The following COPG2 variants were observed in gnomAD, a reference collection of about 807,000 sequenced individuals.
The protein encoded by COPG2 is coatomer subunit gamma-2.
Under a neutral mutation model 46.3 loss-of-function variants are expected in COPG2, and 37 were observed. The ratio of observed to expected loss-of-function variants is 0.80; its 90% CI spans 0.61 to 1.05. The LOEUF is 1.05. COPG2 is among the 50% of genes least tolerant of loss of function. The pLI is 0.00. For synonymous variants in COPG2, 159 were observed against 129.7 expected (o/e 1.23, Z -1.53); for missense variants, 427 against 387.8 (o/e 1.10, Z -0.85).
At chr7:130,563,120 A>G (rs1043473300) in intron 11 of COPG2, 149 bp downstream of exon 11, 2 of 382,562 alleles carry the variant, frequency 5.2e-6, no homozygotes, top group Non-Finnish European at 9.2e-6. Context: ...AAATGAGCAT[A>G]CTCAAGGCCA....
At chr7:130,571,009 G>A (rs1471377476) in intron 9 of COPG2, among the ~76,000 whole-genome samples, 1 of 152,216 alleles carries the variant, frequency 6.6e-6, no homozygotes. Flanking sequence ...GTAGGAGAAT[G>A]AAACTGGATC....
intron 5 of COPG2, among the ~76,000 whole-genome samples, chr7:130,634,054 C>T (rs10927054): frequency 1.3e-5 from 2 of 152,126 alleles, no homozygotes; most frequent in East Asian, 3.9e-4. Flanking sequence ...ATTTCTGAGG[C>T]CTCTGTTCTT....
intron 4 of COPG2, among the ~76,000 whole-genome samples, chr7:130,659,668 C>T (rs1244347804): frequency 6.6e-6 from 1 of 152,022 alleles, no homozygotes; most frequent in East Asian, 1.9e-4. Flanking sequence ...AATCCCAGTA[C>T]TTTGGGAGGC....
intron 6 of COPG2, among the ~76,000 whole-genome samples, chr7:130,615,947 A>G (rs1237507413): frequency 2.6e-5 from 4 of 152,176 alleles, no homozygotes; most frequent in Admixed American, 6.5e-5. Flanking sequence ...ATAATACTTG[A>G]TATTGCTTTT....
At chr7:130,532,236 C>T (rs1052917868) in intron 20 of COPG2, among the ~76,000 whole-genome samples, 9 of 152,316 alleles carry the variant, frequency 5.9e-5, no homozygotes, top group Middle Eastern at 3.4e-3. Context: ...AATGGGACCA[C>T]GGTGGTGCAG....
At chr7:130,536,048 T>TTTC (rs1383378678) in intron 20 of COPG2, among the ~76,000 whole-genome samples, 4 of 151,880 alleles carry the variant, frequency 2.6e-5, no homozygotes, top group Non-Finnish European at 5.9e-5. Flanking sequence ...GAAAATTAGA[T>TTTC]TGAGGCCAAA....
At chr7:130,606,031 T>C (rs1207071538) in intron 9 of COPG2, among the ~76,000 whole-genome samples, 1 of 152,074 alleles carries the variant, frequency 6.6e-6, no homozygotes, top group African/African-American at 2.4e-5. Flanking sequence ...AAGCCTAGTT[T>C]TGAAGAGACT....
chr7:130,592,630 A>T (rs1584989323), intron 9 of COPG2, among the ~76,000 whole-genome samples: 1 of 152,134 alleles, frequency 6.6e-6, no homozygotes, highest in African/African-American at 2.4e-5. Context: ...TTTTTTAAAA[A>T]ATATAGCAAA....
In COPG2 at chr7:130,611,068, G is replaced by C; in HGVS notation, c.622C>G (p.Arg208Gly). 6.2e-7 allele frequency: 1 copy of C among 1,613,652 alleles called. No homozygotes were observed. ...TTCAACATCTTGGAAACAGCAAGTC[G>C]ATCATTCTTTCTAAGGTGATACAGG... ...GVLYHLRKND[R>G]LAVSKMLNKF... The change falls in exon 9 of 24, where the codon CGA becomes GGA. Residue 208 changes from arginine to glycine, a missense_variant. Transcript: ENST00000425248.
intron 4 of COPG2, among the ~76,000 whole-genome samples, chr7:130,661,351 C>CCAGG (rs1340236735): frequency 6.6e-6 from 1 of 152,172 alleles, no homozygotes; most frequent in Admixed American, 6.5e-5. Flanking sequence ...AAAAACAAAG[C>CCAGG]CACAAAAGAG....
chr7:130,560,616 A>G (rs1793703683), intron 12 of COPG2, among the ~76,000 whole-genome samples: 1 of 152,214 alleles, frequency 6.6e-6, no homozygotes, highest in Admixed American at 6.5e-5. Flanking sequence ...CTGGATTGAC[A>G]AACAGTTCAG....
chr7:130,537,959 C>G (rs1462023408), intron 20 of COPG2, among the ~76,000 whole-genome samples: 5 of 152,094 alleles, frequency 3.3e-5, no homozygotes, highest in Admixed American at 6.5e-5. Flanking sequence ...GAGGACACAA[C>G]AGAGAGAGGA....
At chr7:130,511,642 A>G (rs188844002) in intron 20 of COPG2, 458 of 516,508 alleles carry the variant, frequency 8.9e-4, no homozygotes, top group African/African-American at 7.3e-3. Flanking sequence ...TGCTGGGCCA[A>G]AAGTCATAAG....
chr7:130,627,072 G>T (rs1554454389), intron 5 of COPG2, among the ~76,000 whole-genome samples: 8 of 152,124 alleles, frequency 5.3e-5, no homozygotes, highest in Non-Finnish European at 1.5e-5. Context: ...TCCTTATTTG[G>T]TAGAGATGAG....
At chr7:130,538,640 C>T (rs1024914286) in intron 20 of COPG2, among the ~76,000 whole-genome samples, 5 of 149,698 alleles carry the variant, frequency 3.3e-5, no homozygotes, top group Non-Finnish European at 5.9e-5. Flanking sequence ...TCAGACAGCA[C>T]CTGCATGGAA....
chr7:130,662,371 G>A (rs6967059), intron 4 of COPG2, among the ~76,000 whole-genome samples: 3,214 of 152,206 alleles, frequency 0.021, 94 homozygotes, highest in African/African-American at 0.065. Context: ...TTATGTTAAT[G>A]GAAAGCTGGA....
intron 9 of COPG2, among the ~76,000 whole-genome samples, chr7:130,592,077 G>T (rs1261909419): frequency 1.3e-5 from 2 of 152,258 alleles, no homozygotes; most frequent in East Asian, 3.9e-4. Flanking sequence ...TTCTGCCTTG[G>T]GATCCTGTTG....
At chr7:130,630,800 T>C (rs1795214136) in intron 5 of COPG2, among the ~76,000 whole-genome samples, 1 of 152,218 alleles carries the variant, frequency 6.6e-6, no homozygotes. Context: ...TCTTGCTTCA[T>C]CTTTTTACTT....
chr7:130,557,236 TA>T (rs1186826992), intron 12 of COPG2, among the ~76,000 whole-genome samples: 1 of 152,008 alleles, frequency 6.6e-6, no homozygotes, highest in Non-Finnish European at 1.5e-5. Flanking sequence ...TAAAATGGAA[TA>T]AAAAACATTT....
Sources: allele counts gnomAD v4.1 joint callset (sites outside exome capture counted in the v4.1 genomes callset), GRCh38; gene constraint gnomAD v4.1.1; transcripts MANE v1.5; gene names NCBI Gene and HGNC (gene_info 2026-07-23, HGNC 2026-07-21).